AKAP7: variants seen among roughly 807,000 people sequenced by gnomAD.
AKAP7 encodes the protein A kinase (PRKA) anchor protein 7.
AKAP7 carries 39 observed loss-of-function variants against 39.5 expected under a neutral mutation model. The observed-to-expected ratio is 0.99, with a 90% confidence interval of 0.76 to 1.29. The LOEUF is 1.29. Ranked by LOEUF, AKAP7 falls within the 50% of genes most tolerant of loss-of-function variation. The pLI is 0.00. For missense variants in AKAP7, 414 were observed against 407.7 expected, an observed-to-expected ratio of 1.02 and a Z score of -0.13; for synonymous variants, 140 against 139.1, an observed-to-expected ratio of 1.01 and a Z score of -0.05.
chr6:131,161,644 C>CAAAAAAAAAA lies in AKAP7; in HGVS notation c.291+1477_291+1486dup. Among the ~76,000 whole-genome samples, 71 of 33,626 alleles carry CAAAAAAAAAA rather than the reference C, an allele frequency of 2.1e-3. 11 individuals carry two copies. The highest frequency in any genetic ancestry group is 2.9e-3 in the African/African-American group (27 of 9,350). The allele number at this position is 33,626 out of a possible 152,430, so 22.1% of individuals were successfully genotyped here. On this transcript the variant is annotated intron_variant, in intron 3 of 7. Transcript: ENST00000431975. Reference sequence around the variant, plus strand: ...TGGGTGACAGAGCCAGACTGTATCTCAAAAAAAAAAAAAAAAAAAAAAAAA... The same window carrying CAAAAAAAAAA: ...TGGGTGACAGAGCCAGACTGTATCTCAAAAAAAAAAAAAAAAAAAAAAAAAAAAAAAAAAA...
intron 7 of AKAP7, among the ~76,000 whole-genome samples, chr6:131,267,204 G>C (rs1055420033): frequency 6.6e-6 from 1 of 151,958 alleles, no homozygotes; most frequent in Admixed American, 6.6e-5. Flanking sequence ...TGATGCTCTT[G>C]GTCACTTTGT....
chr6:131,280,835 T>A (rs983535097), intron 7 of AKAP7, among the ~76,000 whole-genome samples: 2 of 152,170 alleles, frequency 1.3e-5, no homozygotes, highest in Non-Finnish European at 2.9e-5. Context: ...ATGGAATAAT[T>A]AGACCTGGAT....
At position 131,283,252 on chromosome 6, in the gene AKAP7, T is replaced by G. The variant is rs1489501077; in HGVS notation, c.*1526T>G. On this transcript the variant is annotated 3_prime_UTR_variant, in exon 8 of 8. Transcript: ENST00000431975. ...AAGCTCCAGGTCTTATCGTATCCCTTGCCATCTGAACTTGTTTGCACTGCT... is the reference window on the plus strand; with the variant it reads ...AAGCTCCAGGTCTTATCGTATCCCTGGCCATCTGAACTTGTTTGCACTGCT... The G allele has an allele frequency of 2.0e-5, 3 of 152,654 alleles. No individual in the cohort carries two copies. Among genetic ancestry groups the G allele is most frequent in the African/African-American group, 7.2e-5 (3 of 41,454 alleles). 9.5% of individuals were successfully genotyped at this position (152,654 alleles called of 1,614,324 possible).
intron 7 of AKAP7, among the ~76,000 whole-genome samples, chr6:131,268,754 G>A (rs1201658327): frequency 6.6e-6 from 1 of 152,168 alleles, no homozygotes; most frequent in African/African-American, 2.4e-5. Context: ...GTATTCTCAT[G>A]AGCAGGTGTG....
intron 7 of AKAP7, among the ~76,000 whole-genome samples, chr6:131,262,168 A>G (rs1452682700): frequency 6.6e-6 from 1 of 152,214 alleles, no homozygotes; most frequent in Non-Finnish European, 1.5e-5. Flanking sequence ...AACTAGAGCC[A>G]TCTGCTATTG....
chr6:131,204,329 T>C (rs1807888359), intron 6 of AKAP7, among the ~76,000 whole-genome samples: 2 of 152,180 alleles, frequency 1.3e-5, no homozygotes, highest in Admixed American at 1.3e-4. Flanking sequence ...ATAAATGATA[T>C]AAGCAGCTAC....
intron 4 of AKAP7, among the ~76,000 whole-genome samples, chr6:131,168,801 A>C (rs1003936237): frequency 6.6e-6 from 1 of 152,194 alleles, no homozygotes; most frequent in African/African-American, 2.4e-5. Context: ...ATATATTTTC[A>C]GTAATTTTTT....
chr6:131,275,454 A>G (rs1814669500), intron 7 of AKAP7, among the ~76,000 whole-genome samples: 1 of 152,240 alleles, frequency 6.6e-6, no homozygotes, highest in South Asian at 2.1e-4. Flanking sequence ...TATCACCATC[A>G]GTATTTTCTA....
intron 6 of AKAP7, among the ~76,000 whole-genome samples, chr6:131,216,778 A>C (rs1430460128): frequency 1.3e-5 from 2 of 152,110 alleles, no homozygotes; most frequent in Non-Finnish European, 2.9e-5. Flanking sequence ...CTTATACTGG[A>C]TACAATTATA....
Position 131,184,534 on chromosome 6 carries a change from C to T in AKAP7, c.590-14927C>T, listed in dbSNP as rs946883671. 20 of 710,834 alleles carry T rather than the reference C, an allele frequency of 2.8e-5. No homozygotes were observed. The African/African-American group carries it at 2.9e-4, about 10-fold the overall frequency. 44.0% of individuals were successfully genotyped at this position (710,834 alleles called of 1,614,324 possible). ...CGCAACATTTGTGCTCGATGCATTG[C>T]CAGCAGTATGTCTTCACTGCCCCAT... On this transcript the variant is annotated intron_variant, in intron 5 of 7. Transcript: ENST00000431975.
At chr6:131,271,361 C>G (rs573829838) in intron 7 of AKAP7, among the ~76,000 whole-genome samples, 1 of 152,126 alleles carries the variant, frequency 6.6e-6, no homozygotes, top group African/African-American at 2.4e-5. Context: ...ATTGGCCATA[C>G]GTGTGTGAGT....
chr6:131,132,893 A>G (rs1800357509), upstream of AKAP7, among the ~76,000 whole-genome samples: 3 of 152,210 alleles, frequency 2.0e-5, no homozygotes, highest in South Asian at 6.2e-4. Context: ...ATTTACATGG[A>G]GTAAAAATAT....
intron 6 of AKAP7, among the ~76,000 whole-genome samples, chr6:131,204,893 A>G (rs1807938980): frequency 6.6e-6 from 1 of 152,194 alleles, no homozygotes; most frequent in Non-Finnish European, 1.5e-5. Flanking sequence ...GACTGAAGCC[A>G]GATGGTGTCC....
intron 6 of AKAP7, among the ~76,000 whole-genome samples, chr6:131,213,269 T>TGAATTTTTTATACTGA (rs531734724): frequency 6.6e-6 from 1 of 152,196 alleles, no homozygotes; most frequent in Admixed American, 6.5e-5. Context: ...TTTATACCAG[T>TGAATTTTTTATACTGA]GAATTTTTTA....
At position 131,234,162 on chromosome 6, in the gene AKAP7, A is replaced by G. The variant is rs17060127; in HGVS notation, c.850+14354A>G. 0.014 allele frequency among the ~76,000 whole-genome samples: 2,189 copies of G among 152,236 alleles called. 146 individuals are homozygous for G. The East Asian group carries it at 0.18, about 12-fold the overall frequency. On this transcript the variant is annotated intron_variant, in intron 7 of 7. Coordinates refer to ENST00000431975, the MANE Select transcript of AKAP7 (RefSeq NM_016377.4). ...CATAAAGGCTTCTCCTTTACTTTAA[A>G]ACTTCTTCAGTTCAATTTTGGTTAT...
intron 7 of AKAP7, among the ~76,000 whole-genome samples, chr6:131,276,555 TAAAA>T (rs397887321): frequency 6.9e-6 from 1 of 145,766 alleles, no homozygotes; most frequent in South Asian, 2.2e-4. Context: ...TAAGCTCAGT[TAAAA>T]AAAAAAAATC....
intron 5 of AKAP7, among the ~76,000 whole-genome samples, chr6:131,183,909 G>C (rs559977877): frequency 6.6e-6 from 1 of 152,284 alleles, no homozygotes; most frequent in African/African-American, 2.4e-5. Context: ...CAGAGGCTCT[G>C]GCCTGGCTCG....
At chr6:131,179,710 A>G (rs1266787854) in intron 5 of AKAP7, among the ~76,000 whole-genome samples, 1 of 152,110 alleles carries the variant, frequency 6.6e-6, no homozygotes, top group African/African-American at 2.4e-5. Context: ...TCTACAAAAG[A>G]TAGAAAAAAA....
At chr6:131,128,639 A>G in the AKAP7 span, among the ~76,000 whole-genome samples, 1 of 152,200 alleles carries the variant, frequency 6.6e-6, no homozygotes, top group East Asian at 1.9e-4. Flanking sequence ...CCTGGCTAAC[A>G]TGGCGAAACC....
Sources: allele counts gnomAD v4.1 joint callset (sites outside exome capture counted in the v4.1 genomes callset), GRCh38; gene constraint gnomAD v4.1.1; transcripts MANE v1.5; gene names NCBI Gene and HGNC (gene_info 2026-07-23, HGNC 2026-07-21).